Variants in DIP2C observed in about 807,000 individuals in gnomAD.
DIP2C encodes DIP2 acetate--CoA ligase C (putative).
A neutral mutation model predicts 192.4 loss-of-function variants in DIP2C; 33 were observed. The observed-to-expected ratio is 0.17, with a 90% CI of 0.13 to 0.23. The LOEUF (loss-of-function observed/expected upper bound fraction) is 0.23, where lower values mean the gene tolerates loss of function less well. Ranked by LOEUF, DIP2C falls within the 10% of genes least tolerant of loss-of-function variation. The pLI is 1.00. For missense variants in DIP2C, 1,537 were observed against 2,110.1 expected (o/e 0.73, Z 5.32); for synonymous variants, 979 against 864.1 (o/e 1.13, Z -2.33).
At chr10:402,024 TG>T (rs1233808973) in intron 9 of DIP2C, among the ~76,000 whole-genome samples, 8 of 120,804 alleles carry the variant, frequency 6.6e-5, no homozygotes, top group African/African-American at 2.6e-4. Flanking sequence ...CTCTTCCTTA[TG>T]GACAAGTTTG....
chr10:531,697 T>G (rs926600590), intron 1 of DIP2C, among the ~76,000 whole-genome samples: 1 of 151,958 alleles, frequency 6.6e-6, no homozygotes, highest in Non-Finnish European at 1.5e-5. Flanking sequence ...TCCTGGGGTG[T>G]GGGGAAATCA....
intron 1 of DIP2C, among the ~76,000 whole-genome samples, chr10:587,656 G>A (rs1189504098): frequency 1.4e-5 from 2 of 146,770 alleles, no homozygotes; most frequent in East Asian, 4.1e-4. Context: ...ACCAGCCACT[G>A]CCTCAGCCCT....
chr10:518,285 C>T (rs1445255763), intron 1 of DIP2C, among the ~76,000 whole-genome samples: 2 of 152,354 alleles, frequency 1.3e-5, no homozygotes, highest in African/African-American at 2.4e-5. Context: ...TGAAAAGCGG[C>T]GTTGCCAGGA....
At chr10:291,052 T>C (rs765182931) in intron 32 of DIP2C, among the ~76,000 whole-genome samples, 37 of 152,300 alleles carry the variant, frequency 2.4e-4, no homozygotes, top group Non-Finnish European at 4.1e-4. Context: ...TCCCAGATCT[T>C]CCTTATCTCC....
intron 29 of DIP2C, among the ~76,000 whole-genome samples, chr10:334,688 T>C (rs1482424364): frequency 6.6e-6 from 1 of 152,220 alleles, no homozygotes; most frequent in African/African-American, 2.4e-5. Context: ...TGGAAAAACT[T>C]TTCTTCATTG....
At chr10:506,110 T>C (rs1845579988) in intron 1 of DIP2C, among the ~76,000 whole-genome samples, 2 of 152,182 alleles carry the variant, frequency 1.3e-5, no homozygotes, top group South Asian at 2.1e-4. Context: ...CACCTCACAC[T>C]GCATGGCATT....
intron 1 of DIP2C, among the ~76,000 whole-genome samples, chr10:682,462 C>T (rs1831168943): frequency 6.6e-6 from 1 of 150,832 alleles, no homozygotes; most frequent in South Asian, 2.1e-4. Flanking sequence ...CCCAAATTTA[C>T]ATTAAAGTTA....
intron 1 of DIP2C, among the ~76,000 whole-genome samples, chr10:592,089 GT>G (rs373697408): frequency 1.8e-3 from 280 of 152,242 alleles, no homozygotes; most frequent in African/African-American, 5.0e-3. Flanking sequence ...TCAACAAGAG[GT>G]TTTTTTCTGT....
chr10:314,708 G>A (rs1264435183), intron 31 of DIP2C, among the ~76,000 whole-genome samples: 1 of 152,224 alleles, frequency 6.6e-6, no homozygotes, highest in South Asian at 2.1e-4. Context: ...GCTACTCACA[G>A]CTCTGGAGTC....
rs1427112518 is a variant in DIP2C at position 423,049 on chromosome 10, G to A, written c.395-16C>T. 3 of 1,582,854 alleles carry A rather than the reference G, an allele frequency of 1.9e-6. No individual in the cohort carries two copies. The highest frequency in any genetic ancestry group is 1.2e-5 in the South Asian group (1 of 86,954). On this transcript the variant is annotated splice_polypyrimidine_tract_variant and intron_variant, in intron 4 of 36. Coordinates refer to ENST00000280886, the MANE Select transcript of DIP2C (RefSeq NM_014974.3). ...GAAGAGGTATCTGTGTAAGAAGAAA[G>A]GTGATTTGCTGTATGTTGCAGCAAA... is the stretch of plus-strand genomic sequence containing the variant.
intron 1 of DIP2C, among the ~76,000 whole-genome samples, chr10:647,363 G>A (rs1398385781): frequency 6.6e-6 from 1 of 152,088 alleles, no homozygotes; most frequent in Non-Finnish European, 1.5e-5. Context: ...TGGACGGCGG[G>A]AGAGAACAGA....
At chr10:390,632 A>C in intron 11 of DIP2C, 108 bp downstream of exon 11, 1 of 1,510,172 alleles carries the variant, frequency 6.6e-7, no homozygotes, top group Non-Finnish European at 8.9e-7. Flanking sequence ...TCTGTGACTG[A>C]CGTTTCATTC....
At chr10:486,997 G>A (rs1844063930) in intron 1 of DIP2C, among the ~76,000 whole-genome samples, 1 of 152,238 alleles carries the variant, frequency 6.6e-6, no homozygotes, top group South Asian at 2.1e-4. Context: ...CCGCCACAGT[G>A]TTTTTGAAAA....
chr10:277,505 G>A lies in DIP2C; in HGVS notation c.4491C>T (p.Asp1497=). 6.2e-7 allele frequency: 1 copy of A among 1,614,148 alleles called. No individual in the cohort carries two copies. The highest frequency in any genetic ancestry group is 8.5e-7 in the Non-Finnish European group (1 of 1,180,038). ...CCACGTTGGTCACCAAGGGAACCAG[G>A]TCCAAGGCTTCTTGTTCCGACCCAT... ...ELDGSEQEAL[D]LVPLVTNVVL... is the part of the protein sequence containing the mutation. Residue 1497 remains aspartate, a synonymous_variant, in exon 37 of 37, where the codon GAC becomes GAT. Coordinates refer to ENST00000280886, the MANE Select transcript of DIP2C (RefSeq NM_014974.3).
intron 3 of DIP2C, among the ~76,000 whole-genome samples, chr10:442,920 G>GA (rs1394518770): frequency 2.6e-5 from 4 of 152,136 alleles, no homozygotes; most frequent in Admixed American, 2.6e-4. Context: ...TACCCTTCGT[G>GA]AATCCAAGTT....
intron 1 of DIP2C, chr10:669,411 G>T (rs74778675): frequency 2.6e-5 from 4 of 152,270 alleles, no homozygotes; most frequent in Admixed American, 2.0e-4. Context: ...TATCGCCTCA[G>T]AAAACAAGTC....
intron 31 of DIP2C, among the ~76,000 whole-genome samples, chr10:319,849 T>C (rs1221812695): frequency 1.3e-5 from 2 of 152,188 alleles, no homozygotes; most frequent in African/African-American, 4.8e-5. Flanking sequence ...TTAGGAAAGT[T>C]CACTTCTCAG....
chr10:367,394 G>A (rs866191178), intron 18 of DIP2C, among the ~76,000 whole-genome samples: 38 of 151,308 alleles, frequency 2.5e-4, no homozygotes, highest in African/African-American at 9.0e-4. Flanking sequence ...TCCAGCCTGG[G>A]CGACAGCGAG....
chr10:473,159 G>A (rs976601407), intron 2 of DIP2C, among the ~76,000 whole-genome samples: 4 of 152,060 alleles, frequency 2.6e-5, no homozygotes, highest in Non-Finnish European at 5.9e-5. Context: ...ACATTAATGC[G>A]GTCAGATAAA....
Sources: allele counts gnomAD v4.1 joint callset (sites outside exome capture counted in the v4.1 genomes callset), GRCh38; gene constraint gnomAD v4.1.1; transcripts MANE v1.5; gene names NCBI Gene and HGNC (gene_info 2026-07-23, HGNC 2026-07-21).